VPS35L: variants seen among roughly 807,000 people sequenced by gnomAD.
VPS35L encodes VPS35 endosomal protein-sorting factor-like.
In VPS35L, 83 loss-of-function variants were observed where a neutral mutation model predicts 133.0. The ratio of observed to expected loss-of-function variants is 0.62; its 90% confidence interval spans 0.52 to 0.75. VPS35L has a LOEUF of 0.75. VPS35L is among the 30% of genes least tolerant of loss of function. VPS35L has a pLI of 0.00. For synonymous variants in VPS35L, 423 were observed against 449.9 expected, an observed-to-expected ratio of 0.94 and a Z score of 0.76; for missense variants, 1,083 against 1,206.8, an observed-to-expected ratio of 0.90 and a Z score of 1.52.
intron 7 of VPS35L, among the ~76,000 whole-genome samples, chr16:19,583,450 C>T (rs1377944981): frequency 1.3e-5 from 2 of 152,070 alleles, no homozygotes; most frequent in Non-Finnish European, 2.9e-5. Flanking sequence ...TATTTTGATA[C>T]ATGTATCCCG....
intron 1 of VPS35L, 68 bp downstream of exon 1, chr16:19,555,814 T>G: frequency 6.6e-7 from 1 of 1,515,714 alleles, no homozygotes; most frequent in Non-Finnish European, 8.8e-7. Context: ...TCGGCCTGGG[T>G]CTGAGAGTGT....
At chr16:19,644,600 C>G (rs1973881874) in intron 22 of VPS35L, among the ~76,000 whole-genome samples, 1 of 152,128 alleles carries the variant, frequency 6.6e-6, no homozygotes, top group African/African-American at 2.4e-5. Context: ...GACATTAGAC[C>G]TTGCTGCCCA....
intron 26 of VPS35L, among the ~76,000 whole-genome samples, chr16:19,661,788 C>A (rs1478101349): frequency 2.6e-5 from 4 of 152,156 alleles, no homozygotes; most frequent in Non-Finnish European, 4.4e-5. Context: ...ACTGGGGTGG[C>A]TGCCCCTTAG....
intron 9 of VPS35L, among the ~76,000 whole-genome samples, chr16:19,602,704 G>A (rs1026941528): frequency 9.9e-5 from 15 of 152,108 alleles, no homozygotes; most frequent in Non-Finnish European, 2.2e-4. Context: ...CCGGATTCAA[G>A]CGATTCTCCT....
intron 25 of VPS35L, 78 bp from the exon 26 acceptor site, chr16:19,651,898 A>AT: frequency 9.5e-7 from 1 of 1,051,974 alleles, no homozygotes; most frequent in Non-Finnish European, 1.4e-6. Flanking sequence ...TTCCTTGGAA[A>AT]TACATGAGGG....
At chr16:19,631,988 G>A (rs561223194) in intron 18 of VPS35L, among the ~76,000 whole-genome samples, 1 of 152,006 alleles carries the variant, frequency 6.6e-6, no homozygotes, top group Non-Finnish European at 1.5e-5. Context: ...TTGAGATGGA[G>A]TCTCACTCCG....
At chr16:19,651,220 A>G (rs1247768186) in intron 25 of VPS35L, among the ~76,000 whole-genome samples, 1 of 150,768 alleles carries the variant, frequency 6.6e-6, no homozygotes, top group Admixed American at 6.6e-5. Flanking sequence ...AGCTTCTTGA[A>G]GCTGAAAATT....
At chr16:19,583,576 G>A (rs900793354) in intron 7 of VPS35L, among the ~76,000 whole-genome samples, 1 of 151,952 alleles carries the variant, frequency 6.6e-6, no homozygotes, top group African/African-American at 2.4e-5. Flanking sequence ...TACACAATAA[G>A]CTGGGCCTCG....
In VPS35L at chr16:19,683,898, A is replaced by G. The variant is rs149100239; in HGVS notation, c.2527+1508A>G. 3.2e-3 allele frequency among the ~76,000 whole-genome samples: 495 copies of G among 152,318 alleles called. 4 individuals are homozygous for G. The highest frequency in any genetic ancestry group is 0.012 in the African/African-American group (482 of 41,568). On this transcript the variant is annotated intron_variant, in intron 28 of 30. Transcript: ENST00000417362. The stretch of plus-strand genomic sequence containing the variant: ...CCAAAACTGCTTTCCACAGTGGCTG[A>G]ACTAATTTGCATTTCCACTGACAGA...
intron 26 of VPS35L, among the ~76,000 whole-genome samples, chr16:19,660,139 A>G (rs1346554054): frequency 6.6e-6 from 1 of 152,092 alleles, no homozygotes; most frequent in African/African-American, 2.4e-5. Flanking sequence ...AGCCCGGCCA[A>G]CATGACAAAA....
intron 27 of VPS35L, among the ~76,000 whole-genome samples, chr16:19,672,919 C>T (rs578108198): frequency 2.6e-5 from 4 of 152,266 alleles, no homozygotes; most frequent in South Asian, 2.1e-4. Context: ...ATTGATTAAT[C>T]GGGATGCATT....
Position 19,597,157 on chromosome 16 carries a change from C to T in VPS35L, c.725-4507C>T, listed in dbSNP as rs561083957. ...GCTGAGGCAGGAGGATAACTTGAGT[C>T]CAGGAGTTCAAGACCATCCTGGGCA... On this transcript the variant is annotated intron_variant, in intron 8 of 30. Transcript: ENST00000417362. Among the ~76,000 whole-genome samples, 21 of 152,048 alleles carry T rather than the reference C, an allele frequency of 1.4e-4. No individual in the cohort carries two copies. In the South Asian group the frequency reaches 4.4e-3, roughly 32 times the overall value.
chr16:19,647,228 C>T (rs991428665), intron 23 of VPS35L, among the ~76,000 whole-genome samples: 1 of 152,000 alleles, frequency 6.6e-6, no homozygotes, highest in African/African-American at 2.4e-5. Flanking sequence ...CTGAAAGTTA[C>T]CAAGTTATTA....
rs913922360 is a variant in VPS35L at position 19,692,659 on chromosome 16, G to A, written c.2646+1188G>A. On this transcript the variant is annotated intron_variant, in intron 29 of 30. Coordinates refer to ENST00000417362, the MANE Select transcript of VPS35L (RefSeq NM_020314.7). ...GCTCACTGCAACCTCCACCTCCCAGGTTCAAGTGATTCTCCTGCCTCAGCC... is the reference window on the plus strand; with the variant it reads ...GCTCACTGCAACCTCCACCTCCCAGATTCAAGTGATTCTCCTGCCTCAGCC... Among the ~76,000 whole-genome samples the A allele has an allele frequency of 3.9e-5, 6 of 152,076 alleles. 1 individual carries two copies. Among genetic ancestry groups the A allele is most frequent in the Admixed American group, 2.6e-4 (4 of 15,274 alleles).
At chr16:19,685,557 G>C (rs951399306) in intron 28 of VPS35L, among the ~76,000 whole-genome samples, 1 of 152,176 alleles carries the variant, frequency 6.6e-6, no homozygotes, top group Non-Finnish European at 1.5e-5. Flanking sequence ...AGGTGGCGTT[G>C]CTGGCTCATA....
intron 8 of VPS35L, among the ~76,000 whole-genome samples, chr16:19,600,996 A>G (rs1972365420): frequency 1.3e-5 from 2 of 152,138 alleles, no homozygotes; most frequent in Non-Finnish European, 2.9e-5. Flanking sequence ...GTGGGTGATC[A>G]TGGCTCACCG....
At chr16:19,575,993 TAAAAAAAAAAA>T (rs768432545) in intron 5 of VPS35L, among the ~76,000 whole-genome samples, 5 of 82,950 alleles carry the variant, frequency 6.0e-5, no homozygotes, top group Non-Finnish European at 9.6e-5. Context: ...CCATCTCTAC[TAAAAAAAAAAA>T]AAAAAAAAAA....
intron 9 of VPS35L, among the ~76,000 whole-genome samples, chr16:19,605,044 G>C (rs557249483): frequency 6.6e-6 from 1 of 152,116 alleles, no homozygotes; most frequent in Non-Finnish European, 1.5e-5. Context: ...TTCCCCTGTG[G>C]CTGATGTGGG....
intron 12 of VPS35L, among the ~76,000 whole-genome samples, chr16:19,615,375 C>T (rs867851822): frequency 6.6e-5 from 10 of 152,118 alleles, no homozygotes; most frequent in Non-Finnish European, 1.5e-4. Context: ...TCAGGCTGGG[C>T]GTGGTGGCTC....
Sources: gnomAD v4.1 joint callset for allele counts (sites outside exome capture counted in the v4.1 genomes callset) on GRCh38, gnomAD v4.1.1 for gene constraint, MANE v1.5 for transcripts, NCBI Gene and HGNC (gene_info 2026-07-23, HGNC 2026-07-21) for gene names.